Variants in SMIM36 observed in about 807,000 individuals in gnomAD.
The protein encoded by SMIM36 is small integral membrane protein 36.
At position 55,458,766 on chromosome 17, in the gene SMIM36, C is replaced by T. The variant is rs1418763388; in HGVS notation, c.*531+8379G>A. 2.6e-5 allele frequency among the ~76,000 whole-genome samples: 4 copies of T among 152,176 alleles called. No individual in the cohort carries two copies. The East Asian group carries it at 5.8e-4, about 22-fold the overall frequency. The stretch of plus-strand genomic sequence containing the variant: ...CTGGCCAGGGCAGTGGGAGGACAGC[C>T]GGGCTGCTGAGAGGCCCAACTGCAG... On this transcript the variant is annotated intron_variant, in intron 4 of 4. Transcript: ENST00000636752.
intron 3 of SMIM36, among the ~76,000 whole-genome samples, chr17:55,476,649 C>A (rs1387342968): frequency 1.1e-4 from 17 of 152,002 alleles, no homozygotes; most frequent in Non-Finnish European, 2.9e-5. Context: ...CTCACTGCAA[C>A]CTCCACCTCC....
the SMIM36 span, among the ~76,000 whole-genome samples, chr17:55,517,502 G>T: frequency 2.0e-5 from 3 of 152,356 alleles, no homozygotes; most frequent in Admixed American, 2.0e-4. Flanking sequence ...GGTGAAGGCT[G>T]CAGTGAGCTG....
intron 1 of SMIM36, among the ~76,000 whole-genome samples, chr17:55,483,492 T>C (rs916954537): frequency 2.6e-5 from 4 of 152,156 alleles, no homozygotes; most frequent in African/African-American, 9.7e-5. Context: ...CCCTCCATCA[T>C]GTGGGTGGGC....
chr17:55,520,146 A>G, the SMIM36 span, among the ~76,000 whole-genome samples: 1 of 152,072 alleles, frequency 6.6e-6, no homozygotes, highest in Non-Finnish European at 1.5e-5. Flanking sequence ...GCATCTTCAA[A>G]TCTCTCTCTG....
chr17:55,455,359 C>A (rs1197649978), intron 4 of SMIM36, among the ~76,000 whole-genome samples: 1 of 150,912 alleles, frequency 6.6e-6, no homozygotes, highest in Non-Finnish European at 1.5e-5. Context: ...TCTCCCACCA[C>A]CCCCACGCTG....
At chr17:55,481,540 T>A (rs1404651454) in intron 1 of SMIM36, among the ~76,000 whole-genome samples, 1 of 152,206 alleles carries the variant, frequency 6.6e-6, no homozygotes, top group East Asian at 1.9e-4. Flanking sequence ...CAAATCTGAA[T>A]CATCAAGAAG....
intron 1 of SMIM36, among the ~76,000 whole-genome samples, chr17:55,482,842 T>C (rs372495877): frequency 2.6e-5 from 4 of 152,242 alleles, no homozygotes; most frequent in East Asian, 3.8e-4. Context: ...CTTTCCCTTT[T>C]CTTAAAATGT....
At chr17:55,493,137 G>A (rs936769035) in intron 1 of SMIM36, among the ~76,000 whole-genome samples, 1 of 152,240 alleles carries the variant, frequency 6.6e-6, no homozygotes, top group East Asian at 1.9e-4. Context: ...GCCACGGGCA[G>A]TTTTTCAGGA....
At chr17:55,491,987 A>G (rs1254453942) in intron 1 of SMIM36, among the ~76,000 whole-genome samples, 1 of 151,746 alleles carries the variant, frequency 6.6e-6, no homozygotes, top group African/African-American at 2.4e-5. Context: ...GTGAAACCTC[A>G]TCTCTACTAA....
chr17:55,486,003 A>G (rs1326399820), intron 1 of SMIM36, among the ~76,000 whole-genome samples: 1 of 151,574 alleles, frequency 6.6e-6, no homozygotes, highest in African/African-American at 2.4e-5. Flanking sequence ...GATGAAGAAA[A>G]GAAAGAAAGA....
At chr17:55,500,505 T>C (rs147909185) in intron 1 of SMIM36, among the ~76,000 whole-genome samples, 64 of 151,984 alleles carry the variant, frequency 4.2e-4, no homozygotes, top group African/African-American at 1.5e-3. Context: ...GACTGAGAAG[T>C]TGGTTCCTTC....
At chr17:55,467,534 C>T (rs1036622377) in intron 3 of SMIM36, among the ~76,000 whole-genome samples, 1 of 151,946 alleles carries the variant, frequency 6.6e-6, no homozygotes, top group African/African-American at 2.4e-5. Context: ...GTAGCTGGGA[C>T]TACAGGCGCC....
intron 1 of SMIM36, among the ~76,000 whole-genome samples, chr17:55,508,406 C>T (rs1910116684): frequency 7.7e-6 from 1 of 130,414 alleles, no homozygotes; most frequent in South Asian, 2.4e-4. Context: ...AAAATATATA[C>T]ATATTTTATA....
At position 55,501,149 on chromosome 17, in the gene SMIM36, T is replaced by A. The variant is rs373758767; in HGVS notation, c.*174+9730A>T. ...TTATAATATATAATATATCTTATAT[T>A]TTATAATATATAATATATCTTATAT... On this transcript the variant is annotated intron_variant, in intron 1 of 4. Transcript: ENST00000636752. Among the ~76,000 whole-genome samples the A allele has an allele frequency of 4.1e-3, 107 of 26,156 alleles. 12 individuals carry two copies. The highest frequency in any genetic ancestry group is 5.0e-3 in the Non-Finnish European group (41 of 8,160). The allele number at this position is 26,156 out of a possible 152,430, so 17.2% of individuals were successfully genotyped here.
chr17:55,508,431 A>AATATATATATATATATTCCTAGGAAT, intron 1 of SMIM36, among the ~76,000 whole-genome samples: 1 of 114,314 alleles, frequency 8.7e-6, no homozygotes, highest in Admixed American at 9.3e-5. Context: ...TATTCCTAGG[A>AATATATATATATATATTCCTAGGAAT]ATATATATAT....
intron 3 of SMIM36, among the ~76,000 whole-genome samples, chr17:55,470,631 C>A (rs112231432): frequency 6.6e-6 from 1 of 152,104 alleles, no homozygotes; most frequent in Non-Finnish European, 1.5e-5. Flanking sequence ...TTATCTGCTT[C>A]CCTGACTACT....
chr17:55,460,193 G>T (rs572561036), intron 4 of SMIM36, among the ~76,000 whole-genome samples: 70 of 152,234 alleles, frequency 4.6e-4, no homozygotes, highest in African/African-American at 1.7e-3. Context: ...ACTTTGGGAG[G>T]CCGAGGCAGG....
At chr17:55,488,892 AT>A (rs1909653529) in intron 1 of SMIM36, among the ~76,000 whole-genome samples, 1 of 79,238 alleles carries the variant, frequency 1.3e-5, no homozygotes, top group African/African-American at 5.0e-5. Context: ...AAGAGTACTC[AT>A]TTTCCATCAT....
At chr17:55,493,666 C>T (rs1006819920) in intron 1 of SMIM36, among the ~76,000 whole-genome samples, 10 of 151,818 alleles carry the variant, frequency 6.6e-5, no homozygotes, top group African/African-American at 9.7e-5. Flanking sequence ...AAAAATTAGC[C>T]GGGTGTGATG....
Sources: gnomAD v4.1 joint callset for allele counts (sites outside exome capture counted in the v4.1 genomes callset) on GRCh38, gnomAD v4.1.1 for gene constraint, MANE v1.5 for transcripts, NCBI Gene and HGNC (gene_info 2026-07-23, HGNC 2026-07-21) for gene names.